The following PAK5 variants were observed in gnomAD, a reference collection of about 807,000 sequenced individuals.
PAK5 encodes serine/threonine-protein kinase PAK 5.
In PAK5, 16 loss-of-function variants were observed where a neutral mutation model predicts 65.9. The observed-to-expected ratio is 0.24, with a 90% CI of 0.16 to 0.37. The LOEUF (loss-of-function observed/expected upper bound fraction) is 0.37, where lower values mean the gene tolerates loss of function less well. Among genes scored for constraint, PAK5 ranks in the 10% least tolerant of loss-of-function variants. PAK5 has a pLI of 1.00. For synonymous variants in PAK5, 371 were observed against 354.9 expected (o/e 1.05, Z -0.51); for missense variants, 785 against 903.9 (o/e 0.87, Z 1.69).
chr20:9,717,492 A>T (rs1569056404), intron 1 of PAK5, among the ~76,000 whole-genome samples: 2 of 152,258 alleles, frequency 1.3e-5, no homozygotes, highest in African/African-American at 4.8e-5. Flanking sequence ...GCCAAAAATC[A>T]GTGACCTGAT....
At chr20:9,668,617 G>A (rs1406468791) in intron 2 of PAK5, among the ~76,000 whole-genome samples, 1 of 152,196 alleles carries the variant, frequency 6.6e-6, no homozygotes, top group African/African-American at 2.4e-5. Flanking sequence ...AATTTTACGA[G>A]AGCATAACAC....
intron 4 of PAK5, among the ~76,000 whole-genome samples, chr20:9,577,849 T>C (rs2045913582): frequency 6.6e-6 from 1 of 152,128 alleles, no homozygotes; most frequent in South Asian, 2.1e-4. Flanking sequence ...TATGCTGTTT[T>C]TGTTGTTGTT....
intron 1 of PAK5, among the ~76,000 whole-genome samples, chr20:9,827,373 A>G (rs1978350087): frequency 6.6e-6 from 1 of 152,152 alleles, no homozygotes; most frequent in African/African-American, 2.4e-5. Flanking sequence ...AAATCATAGC[A>G]CCGCCTTTTC....
chr20:9,782,994 A>C (rs981845736), intron 1 of PAK5, among the ~76,000 whole-genome samples: 17 of 147,646 alleles, frequency 1.2e-4, no homozygotes, highest in African/African-American at 4.3e-4. Context: ...TAATGGCATG[A>C]TGTCGGCTCA....
intron 2 of PAK5, among the ~76,000 whole-genome samples, chr20:9,665,353 A>C (rs1267777797): frequency 2.0e-5 from 3 of 152,054 alleles, no homozygotes; most frequent in Non-Finnish European, 2.9e-5. Context: ...TGGGCCCACA[A>C]ATCCATTCCT....
At chr20:9,836,670 G>T (rs545080424) in intron 1 of PAK5, among the ~76,000 whole-genome samples, 1 of 152,206 alleles carries the variant, frequency 6.6e-6, no homozygotes, top group Admixed American at 6.5e-5. Flanking sequence ...ACTGCCCTAG[G>T]AAACTAATAT....
At chr20:9,749,417 C>T (rs951632612) in intron 1 of PAK5, among the ~76,000 whole-genome samples, 18 of 151,850 alleles carry the variant, frequency 1.2e-4, no homozygotes, top group African/African-American at 4.4e-4. Context: ...ATGCCTTTTC[C>T]CACTTATGAG....
At chr20:9,727,826 C>G (rs1166263763) in intron 1 of PAK5, among the ~76,000 whole-genome samples, 4 of 152,072 alleles carry the variant, frequency 2.6e-5, no homozygotes, top group Non-Finnish European at 4.4e-5. Flanking sequence ...GTTTCCGTGT[C>G]CTGTGTACAT....
chr20:9,626,057 A>G (rs2046839550), intron 3 of PAK5, among the ~76,000 whole-genome samples: 1 of 152,178 alleles, frequency 6.6e-6, no homozygotes, highest in East Asian at 1.9e-4. Context: ...ATGGGTAGTA[A>G]TTGTGGATTC....
At chr20:9,688,668 A>C (rs1358545167) in intron 2 of PAK5, among the ~76,000 whole-genome samples, 1 of 151,998 alleles carries the variant, frequency 6.6e-6, no homozygotes, top group Non-Finnish European at 1.5e-5. Flanking sequence ...TGAAGCTCAC[A>C]TAGCATGAAC....
At chr20:9,721,460 C>T (rs141352141) in intron 1 of PAK5, among the ~76,000 whole-genome samples, 10 of 151,754 alleles carry the variant, frequency 6.6e-5, no homozygotes, top group African/African-American at 2.4e-4. Context: ...CCAGCCTGGC[C>T]AACATGGTGA....
chr20:9,832,506 C>CAAGTGA (rs1156401934), intron 1 of PAK5, among the ~76,000 whole-genome samples: 1 of 152,064 alleles, frequency 6.6e-6, no homozygotes, highest in African/African-American at 2.4e-5. Flanking sequence ...CTCCTGGCCT[C>CAAGTGA]AAGTGATTCA....
chr20:9,574,574 C>T (rs1468385264), intron 4 of PAK5, among the ~76,000 whole-genome samples: 1 of 152,114 alleles, frequency 6.6e-6, no homozygotes, highest in Non-Finnish European at 1.5e-5. Flanking sequence ...ACGGACAATG[C>T]CAGGTTAAAT....
chr20:9,778,132 G>T (rs1474129238), intron 1 of PAK5, among the ~76,000 whole-genome samples: 1 of 152,084 alleles, frequency 6.6e-6, no homozygotes, highest in East Asian at 1.9e-4. Context: ...ATTGATTTGG[G>T]TCTTGAGTCT....
At chr20:9,741,957 T>A (rs192562147) in intron 1 of PAK5, among the ~76,000 whole-genome samples, 1 of 152,212 alleles carries the variant, frequency 6.6e-6, no homozygotes, top group East Asian at 1.9e-4. Context: ...TACTCAGGGA[T>A]CTTGCCTTTG....
intron 2 of PAK5, among the ~76,000 whole-genome samples, chr20:9,668,683 A>G (rs768446026): frequency 2.8e-4 from 42 of 152,340 alleles, no homozygotes; most frequent in Admixed American, 7.2e-4. Flanking sequence ...ACCAATAAAC[A>G]AAAGCATGTT....
intron 2 of PAK5, among the ~76,000 whole-genome samples, chr20:9,671,260 C>T (rs1231720686): frequency 6.6e-6 from 1 of 152,118 alleles, no homozygotes; most frequent in Non-Finnish European, 1.5e-5. Context: ...AATGTGGGCT[C>T]TTTTTTCATT....
intron 3 of PAK5, among the ~76,000 whole-genome samples, chr20:9,616,934 G>T (rs930260596): frequency 2.6e-5 from 4 of 152,126 alleles, no homozygotes; most frequent in African/African-American, 7.2e-5. Context: ...TTTCACTTTG[G>T]TTTTTCTGGA....
At chr20:9,791,638 G>A (rs1440311403) in intron 1 of PAK5, among the ~76,000 whole-genome samples, 1 of 152,098 alleles carries the variant, frequency 6.6e-6, no homozygotes, top group Non-Finnish European at 1.5e-5. Context: ...TTCAGGCACT[G>A]GTGATTCACC....
Sources: gnomAD v4.1 joint callset for allele counts (sites outside exome capture counted in the v4.1 genomes callset) on GRCh38, gnomAD v4.1.1 for gene constraint, MANE v1.5 for transcripts, NCBI Gene and HGNC (gene_info 2026-07-23, HGNC 2026-07-21) for gene names.